The following TANGO6 variants were observed in gnomAD, a reference collection of about 807,000 sequenced individuals.
The protein encoded by TANGO6 is transport and golgi organization 6 homolog.
Under a neutral mutation model 114.2 loss-of-function variants are expected in TANGO6, and 90 were observed. The observed-to-expected ratio is 0.79, with a 90% CI of 0.66 to 0.94. The LOEUF is 0.94. Among genes scored for constraint, TANGO6 ranks in the 40% least tolerant of loss-of-function variants. The pLI is 0.00. For missense variants in TANGO6, 1,274 were observed against 1,315.3 expected, an observed-to-expected ratio of 0.97 and a Z score of 0.49; for synonymous variants, 477 against 509.8, an observed-to-expected ratio of 0.94 and a Z score of 0.87.
intron 1 of TANGO6, among the ~76,000 whole-genome samples, chr16:68,857,616 A>T (rs530616931): frequency 6.6e-6 from 1 of 152,132 alleles, no homozygotes; most frequent in Non-Finnish European, 1.5e-5. Flanking sequence ...AAGTGGCTAT[A>T]CTATTTTGCA....
At chr16:68,911,181 G>A (rs574515460) in intron 11 of TANGO6, among the ~76,000 whole-genome samples, 1 of 151,650 alleles carries the variant, frequency 6.6e-6, no homozygotes, top group East Asian at 1.9e-4. Context: ...TGAATTCCTG[G>A]GCTCAAGTGA....
At chr16:68,953,346 GT>G (rs1483616304) in intron 14 of TANGO6, among the ~76,000 whole-genome samples, 1 of 152,078 alleles carries the variant, frequency 6.6e-6, no homozygotes, top group African/African-American at 2.4e-5. Flanking sequence ...GCCTCCCAAA[GT>G]GCTGGGATTA....
chr16:68,850,121 G>T (rs559397354), intron 1 of TANGO6, among the ~76,000 whole-genome samples: 1 of 151,946 alleles, frequency 6.6e-6, no homozygotes, highest in South Asian at 2.1e-4. Context: ...CTACAGGCAT[G>T]TGCCACCAAG....
chr16:69,075,762 C>CTTTT (rs751940886), intron 17 of TANGO6, among the ~76,000 whole-genome samples: 3 of 127,568 alleles, frequency 2.4e-5, no homozygotes, highest in African/African-American at 2.9e-5. Context: ...CTGAATTCAA[C>CTTTT]TTTTTTTTTT....
chr16:69,068,256 G>A (rs1340495207), intron 17 of TANGO6, among the ~76,000 whole-genome samples: 3 of 152,032 alleles, frequency 2.0e-5, no homozygotes, highest in Non-Finnish European at 4.4e-5. Context: ...AGCTATGATC[G>A]TGCCACTGTA....
At chr16:68,980,602 C>T (rs1399135327) in intron 15 of TANGO6, among the ~76,000 whole-genome samples, 1 of 151,390 alleles carries the variant, frequency 6.6e-6, no homozygotes, top group East Asian at 1.9e-4. Context: ...GTGGGAGGAT[C>T]TCTTGAGCCC....
At chr16:68,933,547 A>G (rs1317670835) in intron 14 of TANGO6, among the ~76,000 whole-genome samples, 1 of 152,232 alleles carries the variant, frequency 6.6e-6, no homozygotes, top group Non-Finnish European at 1.5e-5. Context: ...CCCTCCCAGC[A>G]GGTCTCAGGC....
At chr16:68,879,356 G>A (rs1000107734) in intron 6 of TANGO6, among the ~76,000 whole-genome samples, 10 of 151,246 alleles carry the variant, frequency 6.6e-5, no homozygotes, top group Non-Finnish European at 1.3e-4. Flanking sequence ...GGTGGTGCAC[G>A]CCTGTATTCC....
At position 68,900,564 on chromosome 16, in the gene TANGO6, C is replaced by A. The variant is rs1032883482; in HGVS notation, c.1490+18C>A. On this transcript the variant is annotated intron_variant, in intron 8 of 17. Transcript: ENST00000261778. Reference sequence around the variant, plus strand: ...CACATAAGGTAAACAATCAAGGGACCCTTATTTGTTTATAAATTGTGACGT... The same window carrying A: ...CACATAAGGTAAACAATCAAGGGACACTTATTTGTTTATAAATTGTGACGT... The A allele has an allele frequency of 1.9e-6, 3 of 1,553,952 alleles. No individual in the cohort carries two copies. Among genetic ancestry groups the A allele is most frequent in the African/African-American group, 1.4e-5 (1 of 72,926 alleles).
chr16:68,915,413 T>C (rs972370780), intron 11 of TANGO6, among the ~76,000 whole-genome samples: 2 of 152,168 alleles, frequency 1.3e-5, no homozygotes, highest in African/African-American at 4.8e-5. Context: ...ACTACAGATG[T>C]GTGCCACTGT....
intron 15 of TANGO6, among the ~76,000 whole-genome samples, chr16:68,981,488 G>A (rs1326111294): frequency 6.6e-6 from 1 of 151,988 alleles, no homozygotes; most frequent in African/African-American, 2.4e-5. Context: ...TGGAATTACA[G>A]GCGTGAGCCA....
intron 15 of TANGO6, among the ~76,000 whole-genome samples, chr16:68,981,087 C>T (rs1382004785): frequency 6.6e-6 from 1 of 152,008 alleles, no homozygotes; most frequent in Non-Finnish European, 1.5e-5. Flanking sequence ...TTAATCTTAA[C>T]ACGTTGTTAA....
At chr16:68,888,110 C>T (rs953937846) in intron 7 of TANGO6, among the ~76,000 whole-genome samples, 2 of 152,092 alleles carry the variant, frequency 1.3e-5, no homozygotes, top group Non-Finnish European at 2.9e-5. Context: ...AGCATAGCCA[C>T]GTGTACTTCA....
At position 68,987,610 on chromosome 16, in the gene TANGO6, C is replaced by T. The variant is rs111783028; in HGVS notation, c.2842+13442C>T. Among the ~76,000 whole-genome samples, 717 of 152,294 alleles carry T rather than the reference C, an allele frequency of 4.7e-3. 6 individuals carry two copies. Among genetic ancestry groups the T allele is most frequent in the African/African-American group, 0.016 (685 of 41,566 alleles). On this transcript the variant is annotated intron_variant, in intron 15 of 17. Transcript: ENST00000261778. ...TCTCGAACTCCTGGGCTCAAGGGAT[C>T]TGCCTACCTTGGCTGAATTATAGTG...
intron 7 of TANGO6, among the ~76,000 whole-genome samples, chr16:68,881,195 G>A (rs560667053): frequency 2.6e-5 from 4 of 152,290 alleles, no homozygotes; most frequent in South Asian, 2.1e-4. Context: ...GGCAAATGCC[G>A]CTGATGAAAG....
chr16:68,958,594 C>G (rs1034328166), intron 14 of TANGO6, among the ~76,000 whole-genome samples: 1 of 151,854 alleles, frequency 6.6e-6, no homozygotes, highest in South Asian at 2.1e-4. Flanking sequence ...AAAAAAACCT[C>G]TTTTAATTGC....
In TANGO6 at chr16:68,871,924, G is replaced by A. The variant is rs62055804; in HGVS notation, c.995-3230G>A. On this transcript the variant is annotated intron_variant, in intron 4 of 17. Transcript: ENST00000261778. ...CGTGAACCACTGTGCCTGGCCAAGG[G>A]CAAATTTTTAATAGTTGTCTTAATG... Among the ~76,000 whole-genome samples, 1,032 of 152,220 alleles carry A rather than the reference G, an allele frequency of 6.8e-3. 6 individuals are homozygous for A. The highest frequency in any genetic ancestry group is 0.014 in the Middle Eastern group (4 of 294).
At chr16:68,890,044 A>G (rs1013697971) in intron 7 of TANGO6, among the ~76,000 whole-genome samples, 2 of 152,204 alleles carry the variant, frequency 1.3e-5, no homozygotes, top group African/African-American at 4.8e-5. Flanking sequence ...CTGGAACACT[A>G]CTATCAGAAA....
intron 14 of TANGO6, among the ~76,000 whole-genome samples, chr16:68,952,405 A>G (rs1177651798): frequency 6.6e-6 from 1 of 152,116 alleles, no homozygotes; most frequent in Non-Finnish European, 1.5e-5. Context: ...TCCCTCCCCA[A>G]CTAAAGAGCA....
Sources: allele counts gnomAD v4.1 joint callset (sites outside exome capture counted in the v4.1 genomes callset), GRCh38; gene constraint gnomAD v4.1.1; transcripts MANE v1.5; gene names NCBI Gene and HGNC (gene_info 2026-07-23, HGNC 2026-07-21).